Variants in NRXN1 observed in about 807,000 individuals in gnomAD.
NRXN1 encodes neurexin-1.
In NRXN1, 39 loss-of-function variants were observed where a neutral mutation model predicts 150.9. The ratio of observed to expected loss-of-function variants is 0.26; its 90% confidence interval spans 0.20 to 0.34. NRXN1 has a LOEUF of 0.34. Among genes scored for constraint, NRXN1 ranks in the 10% least tolerant of loss-of-function variants. The pLI, the probability that NRXN1 is intolerant of heterozygous loss-of-function variation, is 1.00. For synonymous variants in NRXN1, 924 were observed against 757.0 expected (o/e 1.22, Z -3.62); for missense variants, 1,815 against 1,949.9 (o/e 0.93, Z 1.30).
At chr2:50,036,182 C>T (rs1690008814) in intron 21 of NRXN1, among the ~76,000 whole-genome samples, 1 of 152,118 alleles carries the variant, frequency 6.6e-6, no homozygotes, top group South Asian at 2.1e-4. Flanking sequence ...GTAACTGAAT[C>T]ATGGGGGAGG....
chr2:50,229,388 C>G (rs1447405557), intron 18 of NRXN1, among the ~76,000 whole-genome samples: 1 of 151,750 alleles, frequency 6.6e-6, no homozygotes, highest in Non-Finnish European at 1.5e-5. Flanking sequence ...GACCCATATT[C>G]AGTATGTATT....
chr2:49,991,378 G>C (rs769585665), intron 21 of NRXN1, among the ~76,000 whole-genome samples: 1 of 151,956 alleles, frequency 6.6e-6, no homozygotes, highest in Non-Finnish European at 1.5e-5. Flanking sequence ...ATTATTGCAA[G>C]GTCACAAGAT....
At chr2:50,895,138 A>G (rs957834093) in intron 5 of NRXN1, among the ~76,000 whole-genome samples, 15 of 152,184 alleles carry the variant, frequency 9.9e-5, no homozygotes, top group African/African-American at 3.6e-4. Context: ...CAAGTTTAAC[A>G]GAAGCCTTAG....
chr2:50,118,959 AC>A (rs1703464101), intron 18 of NRXN1, among the ~76,000 whole-genome samples: 1 of 149,678 alleles, frequency 6.7e-6, no homozygotes, highest in Non-Finnish European at 1.5e-5. Context: ...AAGGCACAAT[AC>A]CTGTGTGTTA....
intron 18 of NRXN1, among the ~76,000 whole-genome samples, chr2:50,179,739 C>A (rs2060581784): frequency 6.6e-6 from 1 of 151,974 alleles, no homozygotes; most frequent in African/African-American, 2.4e-5. Flanking sequence ...TAGTGTAACA[C>A]ACATTATAAT....
intron 5 of NRXN1, among the ~76,000 whole-genome samples, chr2:50,657,792 T>C (rs1040928792): frequency 2.6e-5 from 4 of 152,060 alleles, no homozygotes; most frequent in Admixed American, 6.6e-5. Flanking sequence ...GGATAATCTG[T>C]TGACCCTTAC....
chr2:50,219,927 T>TTATATATATTATATATTATATATAA (rs1559114932), intron 18 of NRXN1, among the ~76,000 whole-genome samples: 3 of 72,476 alleles, frequency 4.1e-5, no homozygotes, highest in African/African-American at 2.5e-4. Context: ...TCTCTCTATA[T>TTATATATATTATATATTATATATAA]TATATATATT....
At chr2:50,378,590 C>G (rs12463670) in intron 17 of NRXN1, among the ~76,000 whole-genome samples, 1 of 151,916 alleles carries the variant, frequency 6.6e-6, no homozygotes, top group Non-Finnish European at 1.5e-5. Context: ...GTTGCACCAC[C>G]GTAAAGTTGA....
At chr2:50,638,777 C>T (rs558868740) in intron 5 of NRXN1, among the ~76,000 whole-genome samples, 3 of 152,142 alleles carry the variant, frequency 2.0e-5, no homozygotes, top group Admixed American at 6.5e-5. Context: ...ATTTTATAGC[C>T]CATGCTTGAA....
At position 50,341,788 on chromosome 2, in the gene NRXN1, A is replaced by T. The variant is rs148042119; in HGVS notation, c.3365-104818T>A. 1.5e-3 allele frequency among the ~76,000 whole-genome samples: 224 copies of T among 152,346 alleles called. 1 individual carries two copies. Among genetic ancestry groups the T allele is most frequent in the African/African-American group, 5.1e-3 (214 of 41,586 alleles). On this transcript the variant is annotated intron_variant, in intron 17 of 22. Transcript: ENST00000401669. ...CTGTATAAAGAGCTCTTTCTAGAAC[A>T]TTAATAATGAAGGGCAATAGAAAGT...
At chr2:50,893,312 C>T (rs1203297074) in intron 5 of NRXN1, among the ~76,000 whole-genome samples, 1 of 152,070 alleles carries the variant, frequency 6.6e-6, no homozygotes, top group East Asian at 1.9e-4. Flanking sequence ...ATGACTAATG[C>T]CACAAAAGGA....
chr2:50,719,243 A>G (rs1696294484), intron 5 of NRXN1, among the ~76,000 whole-genome samples: 1 of 151,824 alleles, frequency 6.6e-6, no homozygotes, highest in African/African-American at 2.4e-5. Flanking sequence ...CCATAATTCC[A>G]GTTTAATAAT....
At chr2:51,010,761 T>C (rs1010149172) in intron 2 of NRXN1, among the ~76,000 whole-genome samples, 5 of 151,536 alleles carry the variant, frequency 3.3e-5, no homozygotes, top group Non-Finnish European at 4.4e-5. Flanking sequence ...TGCCACACCT[T>C]TCGGCCAAAA....
intron 5 of NRXN1, among the ~76,000 whole-genome samples, chr2:50,709,820 T>G (rs942499947): frequency 3.9e-5 from 6 of 152,270 alleles, no homozygotes; most frequent in Middle Eastern, 3.4e-3. Context: ...ACTTGACCAT[T>G]CTTAGAAGGA....
chr2:50,862,758 T>C (rs140788204), intron 5 of NRXN1, among the ~76,000 whole-genome samples: 1 of 152,218 alleles, frequency 6.6e-6, no homozygotes, highest in African/African-American at 2.4e-5. Flanking sequence ...GTAGTAGACA[T>C]GAATCACCTT....
intron 5 of NRXN1, among the ~76,000 whole-genome samples, chr2:50,795,918 A>G (rs1207229677): frequency 2.0e-5 from 3 of 152,016 alleles, no homozygotes; most frequent in African/African-American, 7.2e-5. Context: ...TATTAGCCCA[A>G]TAATGTACTG....
intron 5 of NRXN1, among the ~76,000 whole-genome samples, chr2:50,745,171 T>C (rs1227070649): frequency 6.6e-6 from 1 of 152,126 alleles, no homozygotes. Context: ...TACTCATCTA[T>C]ACAATAAAGT....
chr2:50,303,556 T>G lies in NRXN1; in HGVS notation c.3365-66586A>C, dbSNP rs145367439. On this transcript the variant is annotated intron_variant, in intron 17 of 22. Transcript: ENST00000401669. The stretch of plus-strand genomic sequence containing the variant: ...CTTCCACACTTGGTTATCCCTCTGA[T>G]TGAGAGCACTTTGAAATCAGTCCCT... Among the ~76,000 whole-genome samples, 129 of 152,278 alleles carry G rather than the reference T, an allele frequency of 8.5e-4. 1 individual carries two copies. The highest frequency in any genetic ancestry group is 2.4e-3 in the Admixed American group (37 of 15,296).
At chr2:50,359,631 A>G (rs2153008600) in intron 17 of NRXN1, among the ~76,000 whole-genome samples, 1 of 152,218 alleles carries the variant, frequency 6.6e-6, no homozygotes, top group East Asian at 2.0e-4. Flanking sequence ...CCTACATTTG[A>G]TTGGTCTACC....
Sources: gnomAD v4.1 joint callset for allele counts (sites outside exome capture counted in the v4.1 genomes callset) on GRCh38, gnomAD v4.1.1 for gene constraint, MANE v1.5 for transcripts, NCBI Gene and HGNC (gene_info 2026-07-23, HGNC 2026-07-21) for gene names.